Variants in EPX observed in about 807,000 individuals in gnomAD.
The protein encoded by EPX is eosinophil peroxidase.
EPX carries 60 observed loss-of-function variants against 73.0 expected under a neutral mutation model. That is an observed-to-expected ratio of 0.82 (90% CI 0.67 to 1.02). The LOEUF is 1.02. EPX is among the 50% of genes least tolerant of loss of function. The probability of loss-of-function intolerance (pLI) is 0.00; values close to 1 mark genes in which losing one functional copy is unlikely to be tolerated. For missense variants in EPX, 950 were observed against 973.9 expected (o/e 0.98, Z 0.33); for synonymous variants, 347 against 389.2 (o/e 0.89, Z 1.28).
intron 7 of EPX, among the ~76,000 whole-genome samples, chr17:58,198,594 A>G (rs936646784): frequency 1.3e-5 from 2 of 151,892 alleles, no homozygotes; most frequent in African/African-American, 4.8e-5. Flanking sequence ...CACGGGGGAG[A>G]GCAGTATTAT....
At chr17:58,200,092 C>A in intron 9 of EPX, 133 bp from the exon 10 acceptor site, 1 of 876,694 alleles carries the variant, frequency 1.1e-6, no homozygotes. Flanking sequence ...CTCCAGAACT[C>A]TGTTTCCTGA....
rs1187305999 is a variant in EPX at position 58,195,043 on chromosome 17, T to C, written c.674T>C (p.Met225Thr). 1 of 1,614,012 alleles carries C rather than the reference T, an allele frequency of 6.2e-7. No individual in the cohort carries two copies. Among genetic ancestry groups the C allele is most frequent in the African/African-American group, 1.3e-5 (1 of 75,054 alleles). Residue 225 changes from methionine (M) to threonine (T), a missense_variant, in exon 6 of 13, where the codon ATG becomes ACG. Physicochemically the swap from Met to Thr is moderately conservative, Grantham distance 81. Transcript: ENST00000225371. ...GACCGTGGCCGAGCCCTCATGTTCATGCAGTGGGGCCAGTTCATTGACCAT... is the reference window on the plus strand; with the variant it reads ...GACCGTGGCCGAGCCCTCATGTTCACGCAGTGGGGCCAGTTCATTGACCAT... ...TSDRGRALMF[M>T]QWGQFIDHDL...
chr17:58,193,802 C>A lies in EPX; in HGVS notation c.435C>A (p.Tyr145Ter). The change falls in exon 4 of 13, where the codon TAC becomes TAA. Residue 145 changes from tyrosine (Y) to a stop codon, truncating the protein, a stop_gained. Coordinates refer to ENST00000225371, the MANE Select transcript of EPX (RefSeq NM_000502.6). LOFTEE classifies it high-confidence loss of function. ...AGGCCGAGCGCTGCAGCGACAAGTA[C>A]CGCACCATCACTGGACGGTGCAACA... ...RDQAERCSDK[Y>*]RTITGRCNNK... 1 of 1,613,204 alleles carries A rather than the reference C, an allele frequency of 6.2e-7. No homozygotes were observed. Among genetic ancestry groups the A allele is most frequent in the Non-Finnish European group, 8.5e-7 (1 of 1,179,478 alleles).
intron 12 of EPX, 22 bp from the exon 13 acceptor site, chr17:58,204,714 T>C (rs559843061): frequency 6.7e-5 from 29 of 434,788 alleles, no homozygotes; most frequent in Non-Finnish European, 1.1e-4. Context: ...TCCTGACTTA[T>C]CCAGTTCTGT....
At chr17:58,198,192 GAATTATTAT>G (rs1968288362) in intron 7 of EPX, among the ~76,000 whole-genome samples, 1 of 152,194 alleles carries the variant, frequency 6.6e-6, no homozygotes, top group African/African-American at 2.4e-5. Flanking sequence ...TGAAAGGAGG[GAATTATTAT>G]TGTTCTCATT....
At chr17:58,202,639 GAGT>G (rs1187492421) in intron 10 of EPX, 1 of 273,844 alleles carries the variant, frequency 3.7e-6, no homozygotes, top group African/African-American at 2.2e-5. Context: ...GTCCTTTTCT[GAGT>G]AGATGAATTT....
In EPX at chr17:58,202,751, C is replaced by G. The variant is rs35707074; in HGVS notation, c.1709-330C>G. On this transcript the variant is annotated intron_variant, in intron 10 of 12. Coordinates refer to ENST00000225371, the MANE Select transcript of EPX (RefSeq NM_000502.6). ...TGGAGAGTCTTTTATATTCTGGGTA[C>G]TGTCTTACTTGTGTCTAATGAATGC... 1.8e-3 allele frequency: 611 copies of G among 347,682 alleles called. 8 individuals are homozygous for G. The highest frequency in any genetic ancestry group is 0.012 in the African/African-American group (576 of 48,136). 21.5% of individuals were successfully genotyped at this position (347,682 alleles called of 1,614,324 possible).
In EPX at chr17:58,193,546, G is replaced by C; in HGVS notation, c.346G>C (p.Asp116His). The C allele has an allele frequency of 2.5e-6, 4 of 1,613,984 alleles. No individual in the cohort carries two copies. In the South Asian group the frequency reaches 3.3e-5, roughly 13 times the overall value. ...GCGGTCCGGACCCTTCAATGTCACT[G>C]GTACTCTGATCCCCACTGAGCCCGC... The part of the protein sequence containing the change: ...PQRSGPFNVT[D>H]VLTEPQLRLL... Residue 116 changes from aspartate (D) to histidine (H), a missense_variant and splice_region_variant, in exon 3 of 13, where the codon GAT becomes CAT. Physicochemically the swap from Asp to His is moderately conservative, Grantham distance 81 (BLOSUM62 -1). Coordinates refer to ENST00000225371, the MANE Select transcript of EPX (RefSeq NM_000502.6).
rs779762093 is a variant in EPX at position 58,193,071 on chromosome 17, G to C, written c.110G>C (p.Arg37Pro). The change falls in exon 2 of 13, where the codon CGA becomes CCA. Residue 37 changes from arginine (R) to proline (P), a missense_variant. Coordinates refer to ENST00000225371, the MANE Select transcript of EPX (RefSeq NM_000502.6). ...GGGGCAGTGGAGACCTCGGTCCTGC[G>C]AGACTGCATAGCAGAGGCCAAGTTG... Reference protein sequence around the residue: ...SPGAVETSVLRDCIAEAKLLV... With the variant: ...SPGAVETSVLPDCIAEAKLLV... The C allele has an allele frequency of 1.2e-6, 2 of 1,612,964 alleles. No individual in the cohort carries two copies. The highest frequency in any genetic ancestry group is 1.7e-6 in the Non-Finnish European group (2 of 1,179,322).
chr17:58,195,485 G>A (rs1316182208), intron 6 of EPX, among the ~76,000 whole-genome samples: 1 of 152,132 alleles, frequency 6.6e-6, no homozygotes, highest in Admixed American at 6.5e-5. Context: ...GCAACCTAAG[G>A]GCCTCTTAGC....
intron 12 of EPX, 51 bp downstream of exon 12, chr17:58,204,485 C>A: frequency 1.8e-6 from 2 of 1,139,322 alleles, no homozygotes; most frequent in East Asian, 2.4e-5. Context: ...CCCTCACATC[C>A]TTCCCTGGAT....
At chr17:58,199,344 CT>C in intron 8 of EPX, 144 bp downstream of exon 8, 1 of 1,105,630 alleles carries the variant, frequency 9.0e-7, no homozygotes, top group South Asian at 1.3e-5. Context: ...GGCCCCGATT[CT>C]GCCTCTAACT....
Position 58,200,357 on chromosome 17 carries a change from C to A in EPX, c.1670C>A (p.Ala557Asp). ...AGGAGGATTGGGCTGGACCTGGCAG[C>A]TCTCAACATGCAACGAAGCCGGGAC... Reference protein sequence around the residue: ...QVRRIGLDLAALNMQRSRDHG... With the variant: ...QVRRIGLDLADLNMQRSRDHG... The change falls in exon 10 of 13, where the codon GCT (alanine) becomes GAT (aspartate). Residue 557 changes from alanine (A) to aspartate (D), a missense_variant. Physicochemically the swap from Ala to Asp is moderately radical, Grantham distance 126 (BLOSUM62 -2). Coordinates refer to ENST00000225371, the MANE Select transcript of EPX (RefSeq NM_000502.6). The A allele has an allele frequency of 6.2e-7, 1 of 1,614,214 alleles. No individual in the cohort carries two copies. The highest frequency in any genetic ancestry group is 2.2e-5 in the East Asian group (1 of 44,880).
intron 12 of EPX, 79 bp downstream of exon 12, chr17:58,204,513 T>C: frequency 1.2e-6 from 1 of 845,802 alleles, no homozygotes; most frequent in Non-Finnish European, 2.0e-6. Flanking sequence ...TGAGTCCTCT[T>C]AGGTCTCTAA....
chr17:58,198,300 ACAGT>A (rs1026645898), intron 7 of EPX, among the ~76,000 whole-genome samples: 16 of 152,336 alleles, frequency 1.1e-4, no homozygotes, highest in African/African-American at 1.7e-4. Context: ...ACTTGAGAAC[ACAGT>A]CAGTGTAGTA....
chr17:58,199,483 G>T, intron 8 of EPX, 56 bp from the exon 9 acceptor site: 1 of 1,595,918 alleles, frequency 6.3e-7, no homozygotes, highest in Middle Eastern at 1.7e-4. Context: ...CCTTTGAAAA[G>T]GCAAGGGTAT....
At chr17:58,200,117 A>G (rs1968318980) in intron 9 of EPX, 108 bp from the exon 10 acceptor site, 1 of 1,066,006 alleles carries the variant, frequency 9.4e-7, no homozygotes. Flanking sequence ...CGTTACTAAC[A>G]TACCCGACTG....
At chr17:58,195,584 C>T (rs1968244578) in intron 6 of EPX, among the ~76,000 whole-genome samples, 1 of 152,174 alleles carries the variant, frequency 6.6e-6, no homozygotes, top group African/African-American at 2.4e-5. Flanking sequence ...GGGTCCTAAC[C>T]TTCAGGCTAG....
intron 12 of EPX, 105 bp downstream of exon 12, chr17:58,204,539 C>T (rs1015541955): frequency 1.4e-6 from 1 of 709,630 alleles, no homozygotes; most frequent in African/African-American, 1.8e-5. Flanking sequence ...GAAAACAGAA[C>T]TTGTCACTAG....
Sources: allele counts gnomAD v4.1 joint callset (sites outside exome capture counted in the v4.1 genomes callset), GRCh38; gene constraint gnomAD v4.1.1; transcripts MANE v1.5; gene names NCBI Gene and HGNC (gene_info 2026-07-23, HGNC 2026-07-21).